ARHGEF7: variants seen among roughly 807,000 people sequenced by gnomAD.
ARHGEF7 encodes the protein PAK-interacting exchange factor beta.
Under a neutral mutation model 109.8 loss-of-function variants are expected in ARHGEF7, and 33 were observed. The ratio of observed to expected loss-of-function variants is 0.30; its 90% CI spans 0.23 to 0.40. The LOEUF (loss-of-function observed/expected upper bound fraction) is 0.40. Among genes scored for constraint, ARHGEF7 ranks in the 10% least tolerant of loss-of-function variants. ARHGEF7 has a pLI of 1.00. For missense variants in ARHGEF7, 938 were observed against 1,098.5 expected, an observed-to-expected ratio of 0.85 and a Z score of 2.07; for synonymous variants, 458 against 424.6, an observed-to-expected ratio of 1.08 and a Z score of -0.97.
At chr13:111,134,695 C>T (rs2074998263) in intron 1 of ARHGEF7, among the ~76,000 whole-genome samples, 1 of 151,926 alleles carries the variant, frequency 6.6e-6, no homozygotes, top group Non-Finnish European at 1.5e-5. Flanking sequence ...GGATATTAGC[C>T]CTTTGTCAGA....
intron 15 of ARHGEF7, among the ~76,000 whole-genome samples, chr13:111,281,333 A>C (rs2092770439): frequency 6.6e-6 from 1 of 151,950 alleles, no homozygotes; most frequent in South Asian, 2.1e-4. Flanking sequence ...AATACGGAAA[A>C]ACTGGGCAGA....
chr13:111,173,228 G>A (rs560553853), intron 2 of ARHGEF7, among the ~76,000 whole-genome samples: 78 of 152,304 alleles, frequency 5.1e-4, no homozygotes, highest in African/African-American at 1.8e-3. Flanking sequence ...AAACAGCCTA[G>A]CCATGGTTGG....
intron 8 of ARHGEF7, among the ~76,000 whole-genome samples, chr13:111,253,607 C>G (rs1027206430): frequency 1.3e-5 from 2 of 152,162 alleles, no homozygotes; most frequent in Middle Eastern, 3.2e-3. Flanking sequence ...GCCCTGTTCC[C>G]GTCTCAGATG....
rs923068752 is a variant in ARHGEF7 at position 111,115,574 on chromosome 13, G to A, written c.48G>A (p.Val16=). ...QTVTWLITLG[V]LESPKKTISD... ...TTACGTGGCTCATCACTCTGGGGGTGCTGGAGTCGCCCAAAAAAACCATCT... is the reference window on the plus strand; with the variant it reads ...TTACGTGGCTCATCACTCTGGGGGTACTGGAGTCGCCCAAAAAAACCATCT... The change falls in exon 1 of 22, where the codon GTG becomes GTA. Residue 16 remains valine (V), a synonymous_variant. Transcript: ENST00000646102. 22 of 1,426,064 alleles carry A rather than the reference G, an allele frequency of 1.5e-5. No individual in the cohort carries two copies. Among genetic ancestry groups the A allele is most frequent in the Admixed American group, 2.1e-5 (1 of 46,828 alleles). The allele number at this position is 1,426,064 out of a possible 1,614,324, so 88.3% of individuals were successfully genotyped here.
At chr13:111,250,135 A>T (rs145879507) in intron 8 of ARHGEF7, among the ~76,000 whole-genome samples, 86 of 152,336 alleles carry the variant, frequency 5.6e-4, no homozygotes, top group African/African-American at 2.0e-3. Context: ...TCAGCTGTAG[A>T]GGGCTCCTTG....
Position 111,272,898 on chromosome 13 carries a change from A to AC in ARHGEF7, c.1074-910dup, listed in dbSNP as rs1024769053. ...AACAAACGTGTGGGTGAAGAGCTGG[A>AC]CCCCCCACAGAAGCCTGCCCGTGTC... On this transcript the variant is annotated intron_variant, in intron 9 of 21. Coordinates refer to ENST00000646102, the MANE Select transcript of ARHGEF7 (RefSeq NM_001354046.2). This position sits in a 1 kb window ranked among gnomAD's most constrained non-coding sequence, Gnocchi z 5.2. Among the ~76,000 whole-genome samples, 1 of 151,616 alleles carries AC rather than the reference A, an allele frequency of 6.6e-6. No individual in the cohort carries two copies. Among genetic ancestry groups the AC allele is most frequent in the East Asian group, 1.9e-4 (1 of 5,162 alleles).
intron 8 of ARHGEF7, among the ~76,000 whole-genome samples, chr13:111,253,223 A>G (rs2090000912): frequency 6.6e-6 from 1 of 152,240 alleles, no homozygotes; most frequent in Admixed American, 6.5e-5. Flanking sequence ...ACCCTGTTAC[A>G]GTATGATTTA....
chr13:111,196,453 A>G (rs2080511777), intron 2 of ARHGEF7, among the ~76,000 whole-genome samples: 1 of 152,224 alleles, frequency 6.6e-6, no homozygotes, highest in South Asian at 2.1e-4. Context: ...CATCTCTCCA[A>G]GTGAGATCGA....
intron 18 of ARHGEF7, among the ~76,000 whole-genome samples, chr13:111,289,139 C>T (rs2093158270): frequency 1.3e-5 from 2 of 151,968 alleles, no homozygotes; most frequent in South Asian, 4.1e-4. Context: ...TCAAGTGATT[C>T]TTCTATCTCA....
At chr13:111,163,632 A>G (rs920747699) in intron 2 of ARHGEF7, among the ~76,000 whole-genome samples, 22 of 152,060 alleles carry the variant, frequency 1.4e-4, no homozygotes, top group Non-Finnish European at 3.1e-4. Flanking sequence ...TGGCGTGATC[A>G]TGGTTCACTG....
At chr13:111,275,753 A>C in intron 12 of ARHGEF7, 75 bp downstream of exon 12, 1 of 1,567,848 alleles carries the variant, frequency 6.4e-7, no homozygotes, top group Non-Finnish European at 8.8e-7. Flanking sequence ...TTTTAAAGGC[A>C]TCTCAAGCGA....
At chr13:111,207,920 A>C (rs76798181) in intron 3 of ARHGEF7, among the ~76,000 whole-genome samples, 3,635 of 152,336 alleles carry the variant, frequency 0.024, 73 homozygotes, top group Middle Eastern at 0.11. Context: ...GGAAGTTACC[A>C]CATAAACTTG....
At position 111,304,868 on chromosome 13, in the gene ARHGEF7, A is replaced by G. The variant is rs1409839476; in HGVS notation, c.*1755A>G. 6.6e-6 allele frequency: 1 copy of G among 152,250 alleles called. No individual in the cohort carries two copies. Among genetic ancestry groups the G allele is most frequent in the Non-Finnish European group, 1.5e-5 (1 of 68,044 alleles). The allele number at this position is 152,250 out of a possible 1,614,324, so 9.4% of individuals were successfully genotyped here. A position where few individuals can be genotyped will look rare whatever the true frequency, so the allele number is the denominator to read the frequency against. The stretch of plus-strand genomic sequence containing the variant: ...AAGATCAACACTTTCTTTTTTGGTA[A>G]GCTTGAGTTTTACAAGTTATTTTTT... On this transcript the variant is annotated 3_prime_UTR_variant, in exon 22 of 22. Transcript: ENST00000646102.
At chr13:111,139,467 G>A (rs1353267388) in intron 1 of ARHGEF7, among the ~76,000 whole-genome samples, 2 of 152,194 alleles carry the variant, frequency 1.3e-5, no homozygotes, top group Admixed American at 6.5e-5. Flanking sequence ...AGAATCACAG[G>A]AGGCCTCCAG....
chr13:111,150,951 C>G (rs946014839), intron 1 of ARHGEF7, among the ~76,000 whole-genome samples: 1 of 152,182 alleles, frequency 6.6e-6, no homozygotes, highest in African/African-American at 2.4e-5. Flanking sequence ...AGTGGTGGAA[C>G]CAATCCCAGA....
At position 111,255,268 on chromosome 13, in the gene ARHGEF7, CAG is replaced by C. The variant is rs766783606; in HGVS notation, c.950+10975_950+10976del. ...CTGTGCATTTCAGTTGGAGATGTCACAGGGGAGGGTGGAAGCGGATACTGGGA... is the reference window on the plus strand; with the variant it reads ...CTGTGCATTTCAGTTGGAGATGTCACGGGAGGGTGGAAGCGGATACTGGGA... On this transcript the variant is annotated intron_variant, in intron 8 of 21. Coordinates refer to ENST00000646102, the MANE Select transcript of ARHGEF7 (RefSeq NM_001354046.2). The surrounding 1 kb of genome is among the most constrained non-coding windows in gnomAD (Gnocchi z 4.1). 5.9e-5 allele frequency among the ~76,000 whole-genome samples: 9 copies of C among 152,190 alleles called. No individual in the cohort carries two copies. Among genetic ancestry groups the C allele is most frequent in the Non-Finnish European group, 1.0e-4 (7 of 68,030 alleles).
In ARHGEF7 at chr13:111,246,612, AG is replaced by A. The variant is rs527322620; in HGVS notation, c.950+2320del. On this transcript the variant is annotated intron_variant, in intron 8 of 21. Transcript: ENST00000646102. ...AAGACTGTACTTTCAACCCATCTGCAGGCCATTGTTTTTACTTTTATAGCAT... is the reference window on the plus strand; with the variant it reads ...AAGACTGTACTTTCAACCCATCTGCAGCCATTGTTTTTACTTTTATAGCAT... 5.0e-4 allele frequency among the ~76,000 whole-genome samples: 76 copies of A among 152,364 alleles called. 1 individual carries two copies. Among genetic ancestry groups the A allele is most frequent in the Admixed American group, 2.4e-3 (37 of 15,304 alleles).
At chr13:111,259,403 GTCTTTCT>G (rs1440389466) in intron 8 of ARHGEF7, among the ~76,000 whole-genome samples, 1 of 152,128 alleles carries the variant, frequency 6.6e-6, no homozygotes, top group Non-Finnish European at 1.5e-5. Flanking sequence ...CCCTCTCTCT[GTCTTTCT>G]CTCTCTCTGT....
At chr13:111,186,607 A>G (rs2079281968) in intron 2 of ARHGEF7, among the ~76,000 whole-genome samples, 3 of 152,204 alleles carry the variant, frequency 2.0e-5, no homozygotes, top group Non-Finnish European at 4.4e-5. Flanking sequence ...TTTAAGATTC[A>G]TTTTTTACTC....
Sources: gnomAD v4.1 joint callset for allele counts (sites outside exome capture counted in the v4.1 genomes callset) on GRCh38, gnomAD v4.1.1 for gene constraint, Gnocchi (gnomAD v3.1) non-coding constraint, MANE v1.5 for transcripts, NCBI Gene and HGNC (gene_info 2026-07-23, HGNC 2026-07-21) for gene names.